LIPJ: variants seen among roughly 807,000 people sequenced by gnomAD.
The protein encoded by LIPJ is lipase member J.
LIPJ carries 33 observed loss-of-function variants against 39.8 expected under a neutral mutation model. The ratio of observed to expected loss-of-function variants is 0.83; its 90% CI spans 0.63 to 1.11. The LOEUF (loss-of-function observed/expected upper bound fraction) is 1.11. Among genes scored for constraint, LIPJ ranks in the 50% least tolerant of loss-of-function variants. The pLI is 0.00. For missense variants in LIPJ, 422 were observed against 427.9 expected, an observed-to-expected ratio of 0.99 and a Z score of 0.12; for synonymous variants, 128 against 139.2, an observed-to-expected ratio of 0.92 and a Z score of 0.57.
the LIPJ span, among the ~76,000 whole-genome samples, chr10:88,616,765 G>C: frequency 2.6e-5 from 4 of 152,228 alleles, no homozygotes; most frequent in Admixed American, 6.5e-5. Context: ...GAGATGAAGA[G>C]AGGAGGCAAG....
chr10:88,593,902 A>G lies in LIPJ; in HGVS notation c.131-44A>G, dbSNP rs369555730. 4 of 1,513,004 alleles carry G rather than the reference A, an allele frequency of 2.6e-6. No individual in the cohort carries two copies. In the Admixed American group the frequency reaches 7.5e-5, roughly 29 times the overall value. The allele number at this position is 1,513,004 out of a possible 1,614,324, so 93.7% of individuals were successfully genotyped here. On this transcript the variant is annotated intron_variant, in intron 4 of 10. Transcript: ENST00000371939. Reference sequence around the variant, plus strand: ...TTTCAGATAAAAGATTTTCATATAGATAACTACAAAATTTATAAAGAACTT... The same window carrying G: ...TTTCAGATAAAAGATTTTCATATAGGTAACTACAAAATTTATAAAGAACTT...
At chr10:88,620,486 A>G in the LIPJ span, among the ~76,000 whole-genome samples, 2 of 152,188 alleles carry the variant, frequency 1.3e-5, no homozygotes, top group Non-Finnish European at 2.9e-5. Context: ...AATTCTAAAA[A>G]TGGGAAAGAT....
At chr10:88,600,300 T>A (rs1246167945) in intron 8 of LIPJ, among the ~76,000 whole-genome samples, 1 of 152,144 alleles carries the variant, frequency 6.6e-6, no homozygotes, top group Non-Finnish European at 1.5e-5. Flanking sequence ...CTTTCTTTGC[T>A]CTATTTTATT....
the LIPJ span, among the ~76,000 whole-genome samples, chr10:88,622,272 C>T: frequency 1.9e-4 from 29 of 152,320 alleles, no homozygotes; most frequent in African/African-American, 5.0e-4. Flanking sequence ...TTAGCTTCTT[C>T]CCCTTCTTTA....
At chr10:88,599,057 A>G (rs910785211) in intron 8 of LIPJ, among the ~76,000 whole-genome samples, 1 of 148,552 alleles carries the variant, frequency 6.7e-6, no homozygotes, top group Non-Finnish European at 1.5e-5. Context: ...TAAATACCTG[A>G]GAAGAATGTT....
chr10:88,596,472 T>G, intron 7 of LIPJ, 56 bp downstream of exon 7: 1 of 1,423,794 alleles, frequency 7.0e-7, no homozygotes, highest in Non-Finnish European at 9.3e-7. Flanking sequence ...ATTTTATGCT[T>G]TCAAATAAGA....
exon 4 of LIPJ, chr10:88,591,405 C>A: frequency 6.2e-7 from 1 of 1,602,494 alleles, no homozygotes; most frequent in Non-Finnish European, 8.5e-7. Context: ...CTGGGGCTAC[C>A]CTGATGAAGA....
chr10:88,593,898 A>G (rs371813971), intron 4 of LIPJ, 48 bp from the exon 5 acceptor site: 4 of 1,491,050 alleles, frequency 2.7e-6, no homozygotes, highest in African/African-American at 1.4e-5. Context: ...AGATTTTCAT[A>G]TAGATAACTA....
the LIPJ span, among the ~76,000 whole-genome samples, chr10:88,616,920 C>T: frequency 2.0e-5 from 3 of 152,180 alleles, no homozygotes; most frequent in South Asian, 6.2e-4. Context: ...TGGGCTGGTG[C>T]TCAGTCTCTG....
intron 2 of LIPJ, among the ~76,000 whole-genome samples, chr10:88,588,950 G>C (rs1590073388): frequency 6.6e-6 from 1 of 151,708 alleles, no homozygotes; most frequent in East Asian, 1.9e-4. Context: ...ATATATCAAA[G>C]GCTTATCCCT....
At chr10:88,590,062 AAACTT>A (rs551694530) in intron 2 of LIPJ, among the ~76,000 whole-genome samples, 9 of 151,652 alleles carry the variant, frequency 5.9e-5, no homozygotes, top group Non-Finnish European at 1.2e-4. Context: ...TTTTAAGAAA[AAACTT>A]AAGAGTTCTG....
upstream of LIPJ, chr10:88,583,426 C>T: frequency 7.4e-7 from 1 of 1,352,926 alleles, no homozygotes; most frequent in African/African-American, 1.5e-5. Flanking sequence ...CCGGGGCTGT[C>T]TGTCTTCTCG....
At chr10:88,616,278 C>G in the LIPJ span, among the ~76,000 whole-genome samples, 1 of 152,154 alleles carries the variant, frequency 6.6e-6, no homozygotes, top group Non-Finnish European at 1.5e-5. Context: ...AGTGACCCCG[C>G]GGGGAAAGCC....
chr10:88,599,806 A>G (rs1415898188), intron 8 of LIPJ, among the ~76,000 whole-genome samples: 2 of 151,084 alleles, frequency 1.3e-5, no homozygotes, highest in African/African-American at 4.9e-5. Context: ...CTTGTCTTTT[A>G]TGTCTTCAGT....
chr10:88,606,713 G>A (rs372420893), exon 11 of LIPJ: 6 of 1,613,070 alleles, frequency 3.7e-6, no homozygotes, highest in East Asian at 4.5e-5. Context: ...CATGAATGTG[G>A]CAACTGCAAT....
At chr10:88,599,182 T>C (rs1450068360) in intron 8 of LIPJ, among the ~76,000 whole-genome samples, 1 of 151,596 alleles carries the variant, frequency 6.6e-6, no homozygotes, top group African/African-American at 2.4e-5. Context: ...TCTCTTTTTA[T>C]TGAGGTACAA....
chr10:88,594,785 A>G lies in LIPJ; in HGVS notation c.439+9A>G. On this transcript the variant is annotated intron_variant, in intron 6 of 10. Coordinates refer to ENST00000371939, the Ensembl canonical transcript of LIPJ. The stretch of plus-strand genomic sequence containing the variant: ...ACAGGGTACTACTATTGGTATGCCA[A>G]GAAAGATTATTGCTAATATCCCTTA... 1 of 1,265,228 alleles carries G rather than the reference A, an allele frequency of 7.9e-7. No individual in the cohort carries two copies. The highest frequency in any genetic ancestry group is 1.1e-6 in the Non-Finnish European group (1 of 913,172). The allele number at this position is 1,265,228 out of a possible 1,614,324, so 78.4% of individuals were successfully genotyped here. A position where few individuals can be genotyped will look rare whatever the true frequency, so the allele number is the denominator to read the frequency against.
chr10:88,598,994 TTATATTATATTATAATAA>T (rs1851365117), intron 8 of LIPJ, among the ~76,000 whole-genome samples: 1 of 144,278 alleles, frequency 6.9e-6, no homozygotes, highest in Non-Finnish European at 1.5e-5. Flanking sequence ...ATATAAAATA[TTATATTATATTATAATAA>T]TATATTATAT....
chr10:88,595,395 C>G (rs2134554805), intron 6 of LIPJ, among the ~76,000 whole-genome samples: 1 of 151,764 alleles, frequency 6.6e-6, no homozygotes, highest in Non-Finnish European at 1.5e-5. Context: ...TATAATGAAG[C>G]TAATATTAAG....
Sources: allele counts gnomAD v4.1 joint callset (sites outside exome capture counted in the v4.1 genomes callset), GRCh38; gene constraint gnomAD v4.1.1; transcripts MANE v1.5; gene names NCBI Gene and HGNC (gene_info 2026-07-23, HGNC 2026-07-21).